Variants in PUF60 observed in about 807,000 individuals in gnomAD.
PUF60 encodes poly(U) binding splicing factor 60.
Under a neutral mutation model 61.8 loss-of-function variants are expected in PUF60, and 10 were observed. That is an observed-to-expected ratio of 0.16 (90% CI 0.10 to 0.27). PUF60 has a LOEUF of 0.27. Among genes scored for constraint, PUF60 ranks in the 10% least tolerant of loss-of-function variants. PUF60 has a pLI of 1.00. For synonymous variants in PUF60, 353 were observed against 300.9 expected (o/e 1.17, Z -1.79); for missense variants, 371 against 754.0 (o/e 0.49, Z 5.95).
chr8:143,824,426 C>T (rs376283861), intron 1 of PUF60, 27 bp from the exon 2 acceptor site: 182 of 1,606,088 alleles, frequency 1.1e-4, no homozygotes, highest in Non-Finnish European at 1.5e-4. Context: ...GATGTTGTAA[C>T]GACAGGCACA....
chr8:143,825,780 A>G (rs1817575173), intron 1 of PUF60, among the ~76,000 whole-genome samples: 1 of 152,172 alleles, frequency 6.6e-6, no homozygotes, highest in African/African-American at 2.4e-5. Context: ...GCTGCCTCTC[A>G]TTGCCCACAG....
chr8:143,823,818 G>C (rs1243246766), intron 2 of PUF60, among the ~76,000 whole-genome samples: 1 of 152,202 alleles, frequency 6.6e-6, no homozygotes, highest in Non-Finnish European at 1.5e-5. Flanking sequence ...TGGAGCCTGG[G>C]GCCGAAAAAA....
intron 1 of PUF60, among the ~76,000 whole-genome samples, chr8:143,826,089 G>A (rs527277530): frequency 6.6e-6 from 1 of 152,328 alleles, no homozygotes; most frequent in African/African-American, 2.4e-5. Context: ...GTTTACAATC[G>A]CAGCTAGTCA....
chr8:143,817,544 A>G lies in PUF60; in HGVS notation c.1008+48T>C, dbSNP rs1816496693. ...ACCTTGAATCAGTCTCCAAGGAATC[A>G]GGGGCCAGCCCGCCCACCCTCAAGC... is the stretch of plus-strand genomic sequence containing the variant. On this transcript the variant is annotated intron_variant, in intron 9 of 11. Coordinates refer to ENST00000526683, the MANE Select transcript of PUF60 (RefSeq NM_078480.3). This position sits in a 1 kb window ranked among gnomAD's most constrained non-coding sequence, Gnocchi z 7.4. The G allele has an allele frequency of 8.7e-6, 14 of 1,608,428 alleles. No homozygotes were observed. Among genetic ancestry groups the G allele is most frequent in the Non-Finnish European group, 1.2e-5 (14 of 1,179,002 alleles).
At chr8:143,828,909 G>A in intron 1 of PUF60, 1 of 985,648 alleles carries the variant, frequency 1.0e-6, no homozygotes, top group South Asian at 4.7e-5. Context: ...GTCACCCCCA[G>A]AACCCCGCTT....
intron 1 of PUF60, among the ~76,000 whole-genome samples, chr8:143,824,647 G>T (rs947093436): frequency 6.6e-6 from 1 of 152,252 alleles, no homozygotes; most frequent in Non-Finnish European, 1.5e-5. Context: ...CAGCGGGGAT[G>T]GGGAGGAGGG....
intron 1 of PUF60, chr8:143,827,234 CCTCT>C (rs1817733834): frequency 2.7e-6 from 1 of 371,544 alleles, no homozygotes; most frequent in Non-Finnish European, 5.3e-6. Context: ...CAGCCGGGGG[CCTCT>C]CTATGAGGTG....
At chr8:143,816,885 G>A (rs752754393) in intron 11 of PUF60, 25 bp downstream of exon 11, 58 of 292,756 alleles carry the variant, frequency 2.0e-4, no homozygotes, top group Non-Finnish European at 3.0e-4. Context: ...CCTCTCCCCC[G>A]CCACCACCCT....
At chr8:143,827,544 A>G (rs1325064655) in intron 1 of PUF60, 1 of 437,986 alleles carries the variant, frequency 2.3e-6, no homozygotes, top group Admixed American at 2.4e-5. Context: ...GAGCTGAAGC[A>G]GCATGAGACA....
At chr8:143,822,359 T>TGC in intron 2 of PUF60, 1 of 383,634 alleles carries the variant, frequency 2.6e-6, no homozygotes, top group Non-Finnish European at 5.3e-6. Flanking sequence ...CCAGGCTTCC[T>TGC]CACAGTCCCT....
chr8:143,826,734 A>G (rs901768558), intron 1 of PUF60, among the ~76,000 whole-genome samples: 12 of 152,218 alleles, frequency 7.9e-5, no homozygotes, highest in South Asian at 4.1e-4. Context: ...CAAAAAGAAA[A>G]AAAAAATAAT....
Position 143,820,601 on chromosome 8 carries a change from G to A in PUF60, c.348+65C>T, listed in dbSNP as rs952327857. On this transcript the variant is annotated intron_variant, in intron 5 of 11. Transcript: ENST00000526683. ...GAGCAAGGTCCCCAGCACGTGGGCT[G>A]CACTGCCCCCCTCTAGCCCTGACTA... 4.1e-5 allele frequency: 62 copies of A among 1,522,720 alleles called. 1 individual carries two copies. Among genetic ancestry groups the A allele is most frequent in the Middle Eastern group, 1.7e-4 (1 of 5,938 alleles). The allele number at this position is 1,522,720 out of a possible 1,614,324, so 94.3% of individuals were successfully genotyped here.
chr8:143,820,568 G>T, intron 5 of PUF60, 98 bp downstream of exon 5: 1 of 1,343,262 alleles, frequency 7.4e-7, no homozygotes, highest in Non-Finnish European at 1.1e-6. Flanking sequence ...GGGCAGGGCC[G>T]GCCAGGGGAG....
chr8:143,827,984 A>G (rs1350216513), intron 1 of PUF60, among the ~76,000 whole-genome samples: 2 of 152,076 alleles, frequency 1.3e-5, no homozygotes, highest in Non-Finnish European at 2.9e-5. Context: ...CAACTCTCTG[A>G]CTGCTGCCTG....
chr8:143,823,542 A>T (rs546629799), intron 2 of PUF60, among the ~76,000 whole-genome samples: 2 of 152,384 alleles, frequency 1.3e-5, no homozygotes, highest in East Asian at 3.9e-4. Context: ...AGGGAGCACC[A>T]GCCCCCACAT....
chr8:143,824,135 G>C (rs1817343340), intron 2 of PUF60, among the ~76,000 whole-genome samples, 178 bp downstream of exon 2: 1 of 152,244 alleles, frequency 6.6e-6, no homozygotes. Context: ...CAGGGCTGGT[G>C]CGGGGAGAGG....
chr8:143,817,385 G>A lies in PUF60; in HGVS notation c.1090C>T (p.Leu364=), dbSNP rs1014103950. 1 of 1,593,196 alleles carries A rather than the reference G, an allele frequency of 6.3e-7. No homozygotes were observed. The highest frequency in any genetic ancestry group is 8.5e-7 in the Non-Finnish European group (1 of 1,174,284). Residue 364 remains leucine, a synonymous_variant, in exon 10 of 12, where the codon CTG becomes TTG. Transcript: ENST00000526683. The surrounding 1 kb of genome is among the most constrained non-coding windows in gnomAD (Gnocchi z 7.4). ...VSPALTLAQP[L]GTLPQAVMAA... ...ATGACAGCCTGGGGCAAAGTGCCCA[G>A]GGGCTGGGCCAGGGTCAGTGCTGGG...
Position 143,817,124 on chromosome 8 carries a change from G to T in PUF60, c.1166C>A (p.Pro389His). 3 of 1,607,482 alleles carry T rather than the reference G, an allele frequency of 1.9e-6. No homozygotes were observed. Among genetic ancestry groups the T allele is most frequent in the Non-Finnish European group, 2.5e-6 (3 of 1,177,200 alleles). ...VITGVTPARP[P>H]IPVTIPSVGV... ...CACCGAGGGGATGGTGACCGGGATA[G>T]GAGGACGGGCTGGGGTCACACCTGC... is the stretch of plus-strand genomic sequence containing the variant. Residue 389 changes from proline to histidine, a missense_variant, in exon 11 of 12, where the codon CCT (proline) becomes CAT (histidine). Pro to His is a moderately conservative substitution (Grantham distance 77). Transcript: ENST00000526683. The surrounding 1 kb of genome is among the most constrained non-coding windows in gnomAD (Gnocchi z 7.4).
In PUF60 at chr8:143,816,942, T is replaced by C. The variant is rs749170032; in HGVS notation, c.1348A>G (p.Met450Val). The C allele has an allele frequency of 6.8e-7, 1 of 1,463,874 alleles. No individual in the cohort carries two copies. The highest frequency in any genetic ancestry group is 9.2e-7 in the Non-Finnish European group (1 of 1,087,422). 90.7% of individuals were successfully genotyped at this position (1,463,874 alleles called of 1,614,324 possible). Reference sequence around the variant, plus strand: ...TTGCGGAGCAGCTTCTGCATCACCATGTGTCGGGCGCTACTGCCCGAGATG... The same window carrying C: ...TTGCGGAGCAGCTTCTGCATCACCACGTGTCGGGCGCTACTGCCCGAGATG... The part of the protein sequence containing the change: ...MSISGSSARH[M>V]VMQKLLRKQE... The change falls in exon 11 of 12, where the codon ATG (methionine) becomes GTG (valine). Residue 450 changes from methionine (M) to valine (V), a missense_variant. Met to Val is a conservative substitution (Grantham distance 21). Coordinates refer to ENST00000526683, the MANE Select transcript of PUF60 (RefSeq NM_078480.3).
Sources: gnomAD v4.1 joint callset for allele counts (sites outside exome capture counted in the v4.1 genomes callset) on GRCh38, gnomAD v4.1.1 for gene constraint, Gnocchi (gnomAD v3.1) non-coding constraint, MANE v1.5 for transcripts, NCBI Gene and HGNC (gene_info 2026-07-23, HGNC 2026-07-21) for gene names.